The following PHACTR2 variants were observed in gnomAD, a reference collection of about 807,000 sequenced individuals.
PHACTR2 encodes phosphatase and actin regulator 2, also known as chromosome 6 open reading frame 56.
In PHACTR2, 30 loss-of-function variants were observed where a neutral mutation model predicts 76.0. The ratio of observed to expected loss-of-function variants is 0.39; its 90% CI spans 0.30 to 0.54. PHACTR2 has a LOEUF of 0.54. PHACTR2 is among the 20% of genes least tolerant of loss of function. The pLI is 0.61. For synonymous variants in PHACTR2, 292 were observed against 292.5 expected (o/e 1.00, Z 0.02); for missense variants, 696 against 781.1 (o/e 0.89, Z 1.30).
chr6:143,605,624 C>T (rs1775861193), upstream of PHACTR2, among the ~76,000 whole-genome samples: 1 of 152,124 alleles, frequency 6.6e-6, no homozygotes, highest in South Asian at 2.1e-4. The surrounding 1 kb of genome is among the most constrained non-coding windows in gnomAD (Gnocchi z 5.0). Flanking sequence ...GCAATGAATG[C>T]AGTTTTTGAA....
At chr6:143,813,509 T>C (rs1323422687) in intron 12 of PHACTR2, among the ~76,000 whole-genome samples, 1 of 150,040 alleles carries the variant, frequency 6.7e-6, no homozygotes, top group Non-Finnish European at 1.5e-5. Flanking sequence ...TGCCAGCTAC[T>C]CCAGAGGCTG....
At position 143,824,974 on chromosome 6, in the gene PHACTR2, T is replaced by C. The variant is rs1209278702; in HGVS notation, c.*1285T>C. The C allele has an allele frequency of 1.3e-5, 2 of 152,632 alleles. No individual in the cohort carries two copies. The highest frequency in any genetic ancestry group is 1.5e-5 in the Non-Finnish European group (1 of 68,030). 9.5% of individuals were successfully genotyped at this position (152,632 alleles called of 1,614,324 possible). A position where few individuals can be genotyped will look rare whatever the true frequency, so the allele number is the denominator to read the frequency against. ...GTTAAAGTAGTGGAAGTTTTCCCTA[T>C]GAGCCTACAGTCTGTATTGTTTACA... On this transcript the variant is annotated 3_prime_UTR_variant, in exon 13 of 13. Transcript: ENST00000440869. This position sits in a 1 kb window ranked among gnomAD's most constrained non-coding sequence, Gnocchi z 6.3.
intron 2 of PHACTR2, among the ~76,000 whole-genome samples, chr6:143,712,889 A>C (rs966143163): frequency 1.3e-5 from 2 of 152,244 alleles, no homozygotes; most frequent in Non-Finnish European, 2.9e-5. Context: ...AGTGCCTTTC[A>C]TATCAACTCG....
chr6:143,805,477 C>T (rs747194433), intron 11 of PHACTR2, among the ~76,000 whole-genome samples: 1 of 74,934 alleles, frequency 1.3e-5, no homozygotes. Flanking sequence ...GAAACTCCGT[C>T]TCAAAAAAAA....
Position 143,577,091 on chromosome 6 carries a change from T to C in PHACTR2, c.217+39884T>C, listed in dbSNP as rs541787919. Among the ~76,000 whole-genome samples, 7 of 152,300 alleles carry C rather than the reference T, an allele frequency of 4.6e-5. No individual in the cohort carries two copies. In the South Asian group the frequency reaches 1.4e-3, roughly 32 times the overall value. ...TTACCCTTATAATTAGATGAACTTC[T>C]TTTGAGAAGTTGAATGAAATGTAAA... On this transcript the variant is annotated intron_variant, in intron 1 of 11. Coordinates refer to the PHACTR2 transcript ENST00000367584.
chr6:143,662,504 G>A lies in PHACTR2; in HGVS notation c.14-49512G>A, dbSNP rs1435583250. ...TTTACTCTTCAGAAAGTAAAAATAA[G>A]TAGTGGGTAGGAGTTCTTCATCTGT... On this transcript the variant is annotated intron_variant, in intron 1 of 11. Coordinates refer to the PHACTR2 transcript ENST00000305766. The surrounding 1 kb of genome is among the most constrained non-coding windows in gnomAD (Gnocchi z 4.7). Among the ~76,000 whole-genome samples, 1 of 152,150 alleles carries A rather than the reference G, an allele frequency of 6.6e-6. No individual in the cohort carries two copies. The highest frequency in any genetic ancestry group is 1.5e-5 in the Non-Finnish European group (1 of 68,014).
In PHACTR2 at chr6:143,719,813, CTTTTT is replaced by C. The variant is rs10675688; in HGVS notation, c.214+7645_214+7649del. ...AGGGCTTCTTGCTTTGTGTTCGACA[CTTTTT>C]TTTTTTTTTTTTTTGAGACAGAGTC... On this transcript the variant is annotated intron_variant, in intron 2 of 12. Transcript: ENST00000440869. Among the ~76,000 whole-genome samples the C allele has an allele frequency of 7.4e-5, 7 of 94,840 alleles. 1 individual carries two copies. Among genetic ancestry groups the C allele is most frequent in the African/African-American group, 3.3e-4 (7 of 20,966 alleles). 62.2% of individuals were successfully genotyped at this position (94,840 alleles called of 152,430 possible).
chr6:143,725,602 C>T (rs1043918651), intron 2 of PHACTR2, among the ~76,000 whole-genome samples: 2 of 151,640 alleles, frequency 1.3e-5, no homozygotes, highest in Admixed American at 1.3e-4. Context: ...ATGTCATAGG[C>T]TGGGCAGGTG....
chr6:143,785,367 C>T (rs1582878847), intron 10 of PHACTR2, among the ~76,000 whole-genome samples: 1 of 152,238 alleles, frequency 6.6e-6, no homozygotes, highest in Non-Finnish European at 1.5e-5. Context: ...CACACTGATG[C>T]AAGAGGTGGG....
In PHACTR2 at chr6:143,733,107, C is replaced by T. The variant is rs1778740432; in HGVS notation, c.215-15878C>T. Reference sequence around the variant, plus strand: ...AGAGATGGAGGCTTGCTCAGCTGCCCAGGCTGGGTGTCCAACTGGCTTCAA... The same window carrying T: ...AGAGATGGAGGCTTGCTCAGCTGCCTAGGCTGGGTGTCCAACTGGCTTCAA... On this transcript the variant is annotated intron_variant, in intron 2 of 12. Coordinates refer to ENST00000440869, the MANE Select transcript of PHACTR2 (RefSeq NM_001100164.2). This position sits in a 1 kb window ranked among gnomAD's most constrained non-coding sequence, Gnocchi z 4.0. Among the ~76,000 whole-genome samples the T allele has an allele frequency of 6.6e-6, 1 of 152,076 alleles. No individual in the cohort carries two copies. Among genetic ancestry groups the T allele is most frequent in the African/African-American group, 2.4e-5 (1 of 41,394 alleles).
Position 143,809,790 on chromosome 6 carries a change from G to A in PHACTR2, c.1922+2657G>A, listed in dbSNP as rs1333584466. ...GTACCCTCTCTCACACATAAACACA[G>A]CATCTAAGAAATCTTTCTATAATAA... is the stretch of plus-strand genomic sequence containing the variant. On this transcript the variant is annotated intron_variant, in intron 12 of 12. Coordinates refer to ENST00000440869, the MANE Select transcript of PHACTR2 (RefSeq NM_001100164.2). This position sits in a 1 kb window ranked among gnomAD's most constrained non-coding sequence, Gnocchi z 4.2. Among the ~76,000 whole-genome samples, 2 of 151,952 alleles carry A rather than the reference G, an allele frequency of 1.3e-5. No individual in the cohort carries two copies. The highest frequency in any genetic ancestry group is 2.9e-5 in the Non-Finnish European group (2 of 67,998).
intron 1 of PHACTR2, among the ~76,000 whole-genome samples, chr6:143,614,829 G>A (rs1776036534): frequency 6.6e-6 from 1 of 152,194 alleles, no homozygotes; most frequent in Non-Finnish European, 1.5e-5. Context: ...TTGGAAAGGA[G>A]TGGAATTCAA....
rs986105784 is a variant in PHACTR2, at chr6:143,658,707, T to C, written c.13+50385T>C. The stretch of plus-strand genomic sequence containing the variant: ...ACATAGAAAAGGTATAGCAAAACTA[T>C]AGTGTAAAGATTAAAAAACAAACAA... On this transcript the variant is annotated intron_variant, in intron 1 of 11. Transcript: ENST00000305766. The surrounding 1 kb of genome is among the most constrained non-coding windows in gnomAD (Gnocchi z 4.1). Among the ~76,000 whole-genome samples, 7 of 152,032 alleles carry C rather than the reference T, an allele frequency of 4.6e-5. No homozygotes were observed. Among genetic ancestry groups the C allele is most frequent in the Non-Finnish European group, 1.5e-5 (1 of 67,994 alleles).
chr6:143,650,480 A>G (rs1198159868), intron 1 of PHACTR2, among the ~76,000 whole-genome samples: 1 of 152,216 alleles, frequency 6.6e-6, no homozygotes, highest in African/African-American at 2.4e-5. Flanking sequence ...GTGCAAGAAC[A>G]GACACATAAA....
At chr6:143,785,978 C>T (rs1026178482) in intron 10 of PHACTR2, among the ~76,000 whole-genome samples, 1 of 152,190 alleles carries the variant, frequency 6.6e-6, no homozygotes, top group Admixed American at 6.5e-5. Context: ...GGCCTGGAGA[C>T]ATTTTCCCCA....
At chr6:143,703,600 C>A (rs1335154917) in intron 1 of PHACTR2, among the ~76,000 whole-genome samples, 2 of 152,106 alleles carry the variant, frequency 1.3e-5, no homozygotes, top group African/African-American at 4.8e-5. Flanking sequence ...TGTTCTTTTT[C>A]TTTAAATTTA....
rs1777801738 is a variant in PHACTR2 at position 143,697,589 on chromosome 6, A to C, written c.47-14427A>C. Among the ~76,000 whole-genome samples the C allele has an allele frequency of 6.6e-6, 1 of 152,228 alleles. No homozygotes were observed. Among genetic ancestry groups the C allele is most frequent in the Non-Finnish European group, 1.5e-5 (1 of 68,026 alleles). ...TGTCAGCAATGTCTGTACCATTCTT[A>C]TGAGTGTTAATCATCCTTCCTGCTG... On this transcript the variant is annotated intron_variant, in intron 1 of 12. Transcript: ENST00000440869. The surrounding 1 kb of genome is among the most constrained non-coding windows in gnomAD (Gnocchi z 4.4).
At chr6:143,707,023 A>T (rs1319861057) in intron 1 of PHACTR2, among the ~76,000 whole-genome samples, 1 of 152,186 alleles carries the variant, frequency 6.6e-6, no homozygotes, top group African/African-American at 2.4e-5. Flanking sequence ...AATAAAGTTA[A>T]ATCTTCCCTA....
chr6:143,686,162 C>T (rs1391253905), intron 1 of PHACTR2, among the ~76,000 whole-genome samples: 1 of 148,168 alleles, frequency 6.7e-6, no homozygotes, highest in Non-Finnish European at 1.5e-5. Context: ...ACTTAGACTA[C>T]ACTTAGACCC....
Sources: allele counts gnomAD v4.1 joint callset (sites outside exome capture counted in the v4.1 genomes callset), GRCh38; gene constraint gnomAD v4.1.1; non-coding constraint Gnocchi (gnomAD v3.1); transcripts MANE v1.5; gene names NCBI Gene and HGNC (gene_info 2026-07-23, HGNC 2026-07-21).